Variants in CAMTA1 observed in about 807,000 individuals in gnomAD.
The protein encoded by CAMTA1 is calmodulin-binding transcription activator 1.
A neutral mutation model predicts 170.9 loss-of-function variants in CAMTA1; 27 were observed. The ratio of observed to expected loss-of-function variants is 0.16; its 90% CI spans 0.12 to 0.22. The LOEUF (loss-of-function observed/expected upper bound fraction) is 0.22. Among genes scored for constraint, CAMTA1 ranks in the 10% least tolerant of loss-of-function variants. CAMTA1 has a pLI of 1.00. For synonymous variants in CAMTA1, 833 were observed against 891.5 expected (o/e 0.93, Z 1.17); for missense variants, 1,619 against 2,217.2 (o/e 0.73, Z 5.42).
At chr1:7,019,608 G>A (rs1421462127) in intron 3 of CAMTA1, among the ~76,000 whole-genome samples, 5 of 152,316 alleles carry the variant, frequency 3.3e-5, no homozygotes, top group Admixed American at 2.0e-4. Flanking sequence ...CTTTAGAATC[G>A]TTAGAGGACA....
At chr1:7,004,167 G>A (rs955672999) in intron 3 of CAMTA1, among the ~76,000 whole-genome samples, 1 of 152,234 alleles carries the variant, frequency 6.6e-6, no homozygotes, top group Non-Finnish European at 1.5e-5. Flanking sequence ...CCGTCATCCA[G>A]TTAATGGTGA....
chr1:7,171,321 G>C (rs7544926), intron 4 of CAMTA1, among the ~76,000 whole-genome samples: 48,079 of 151,948 alleles, frequency 0.32, 7,742 homozygotes, highest in Non-Finnish European at 0.33. Flanking sequence ...TAGGACTCTG[G>C]CTTTGCTCAA....
intron 5 of CAMTA1, among the ~76,000 whole-genome samples, chr1:7,439,902 T>C (rs1231079468): frequency 6.6e-6 from 1 of 152,210 alleles, no homozygotes; most frequent in East Asian, 1.9e-4. Context: ...GGCTTCCTCA[T>C]TTGCAAAATG....
At chr1:7,542,869 G>GTT (rs2094632980) in intron 6 of CAMTA1, among the ~76,000 whole-genome samples, 2 of 143,628 alleles carry the variant, frequency 1.4e-5, no homozygotes, top group Admixed American at 6.8e-5. Context: ...GTGTGTGTGT[G>GTT]TGTGTGTGTG....
chr1:7,188,470 T>TC (rs1558224231), intron 4 of CAMTA1, among the ~76,000 whole-genome samples: 1 of 152,158 alleles, frequency 6.6e-6, no homozygotes, highest in Non-Finnish European at 1.5e-5. Flanking sequence ...AGTAACTCCC[T>TC]CCCTCTCCCC....
intron 6 of CAMTA1, among the ~76,000 whole-genome samples, chr1:7,483,569 C>A (rs1400474292): frequency 6.6e-6 from 1 of 152,190 alleles, no homozygotes; most frequent in Non-Finnish European, 1.5e-5. Flanking sequence ...GCAGGGAGAT[C>A]AGCCAGGAAC....
In CAMTA1 at chr1:7,293,247, G is replaced by C. The variant is rs1370676305; in HGVS notation, c.438+43621G>C. Among the ~76,000 whole-genome samples, 1 of 152,210 alleles carries C rather than the reference G, an allele frequency of 6.6e-6. No individual in the cohort carries two copies. Among genetic ancestry groups the C allele is most frequent in the East Asian group, 1.9e-4 (1 of 5,190 alleles). ...AATGCAGACCTTGTCTGGGTGATGAGAGACCGCCACTCGTCTCCAGGAGCT... is the reference window on the plus strand; with the variant it reads ...AATGCAGACCTTGTCTGGGTGATGACAGACCGCCACTCGTCTCCAGGAGCT... On this transcript the variant is annotated intron_variant, in intron 5 of 22. Transcript: ENST00000303635. The surrounding 1 kb of genome is among the most constrained non-coding windows in gnomAD (Gnocchi z 4.1).
rs114493564 is a variant in CAMTA1, at chr1:6,833,247, A to G, written c.234+8037A>G. ...TTCCTGTGGGTCTTCCTCAGTTTCA[A>G]TCTAAACTAGTTTTATTATACTATT... On this transcript the variant is annotated intron_variant, in intron 3 of 22. Transcript: ENST00000303635. 3.9e-3 allele frequency among the ~76,000 whole-genome samples: 588 copies of G among 152,344 alleles called. 5 individuals carry two copies. Among genetic ancestry groups the G allele is most frequent in the African/African-American group, 0.013 (543 of 41,582 alleles).
chr1:7,186,498 C>T (rs1174920419), intron 4 of CAMTA1, among the ~76,000 whole-genome samples: 1 of 152,040 alleles, frequency 6.6e-6, no homozygotes, highest in African/African-American at 2.4e-5. Context: ...GGAGATGTCC[C>T]TTTCTTATTG....
rs1192611965 is a variant in CAMTA1, at chr1:7,680,277, G to A, written c.2914+2544G>A. On this transcript the variant is annotated intron_variant, in intron 11 of 22. Coordinates refer to ENST00000303635, the MANE Select transcript of CAMTA1 (RefSeq NM_015215.4). The surrounding 1 kb of genome is among the most constrained non-coding windows in gnomAD (Gnocchi z 4.4). The stretch of plus-strand genomic sequence containing the variant: ...CTCCCCTCGGTCTCCGCAGCTTCTC[G>A]GCTCAGCCCCTCCCGTCCCCGCGGG... The A allele has an allele frequency of 1.4e-5, 3 of 213,012 alleles. No individual in the cohort carries two copies. Among genetic ancestry groups the A allele is most frequent in the Non-Finnish European group, 3.0e-5 (3 of 98,894 alleles). 13.2% of individuals were successfully genotyped at this position (213,012 alleles called of 1,614,324 possible).
intron 6 of CAMTA1, among the ~76,000 whole-genome samples, chr1:7,481,504 T>C (rs924513854): frequency 1.3e-5 from 2 of 152,208 alleles, no homozygotes; most frequent in Non-Finnish European, 2.9e-5. Flanking sequence ...CAAAGCCCTC[T>C]TGACACTCCA....
At chr1:7,509,979 C>A (rs1045551057) in intron 6 of CAMTA1, among the ~76,000 whole-genome samples, 1 of 151,184 alleles carries the variant, frequency 6.6e-6, no homozygotes, top group African/African-American at 2.5e-5. Flanking sequence ...TCTGTCACTC[C>A]CGAGTCATCC....
rs970450972 is a variant in CAMTA1 at position 7,426,266 on chromosome 1, C to G, written c.439-41564C>G. Among the ~76,000 whole-genome samples, 3 of 152,140 alleles carry G rather than the reference C, an allele frequency of 2.0e-5. No individual in the cohort carries two copies. Among genetic ancestry groups the G allele is most frequent in the Non-Finnish European group, 4.4e-5 (3 of 68,026 alleles). ...AGAGAGAGCTGCACGGTCCGAAGCT[C>G]AGAGCATCCTCACTAGCATTTCTGT... On this transcript the variant is annotated intron_variant, in intron 5 of 22. Coordinates refer to ENST00000303635, the MANE Select transcript of CAMTA1 (RefSeq NM_015215.4). The surrounding 1 kb of genome is among the most constrained non-coding windows in gnomAD (Gnocchi z 4.8).
intron 11 of CAMTA1, among the ~76,000 whole-genome samples, chr1:7,712,926 A>G (rs1558196154): frequency 6.6e-6 from 1 of 152,192 alleles, no homozygotes; most frequent in Non-Finnish European, 1.5e-5. Context: ...AGTCTTATTC[A>G]CTATCACGAG....
intron 3 of CAMTA1, among the ~76,000 whole-genome samples, chr1:6,926,576 T>TTC (rs201875610): frequency 0.02 from 2,697 of 131,782 alleles, 61 homozygotes; most frequent in Middle Eastern, 0.033. Flanking sequence ...CTCTCTCTCC[T>TTC]TCTCTCTCTC....
At chr1:7,462,977 G>T (rs2093126151) in intron 5 of CAMTA1, among the ~76,000 whole-genome samples, 1 of 152,216 alleles carries the variant, frequency 6.6e-6, no homozygotes, top group Non-Finnish European at 1.5e-5. Context: ...GGGGCTCCTG[G>T]AGGGGGACCT....
intron 11 of CAMTA1, among the ~76,000 whole-genome samples, chr1:7,695,425 T>C (rs182383802): frequency 6.1e-4 from 93 of 152,306 alleles, no homozygotes; most frequent in Non-Finnish European, 1.0e-3. Context: ...GAGTGGGTGC[T>C]CATTTTTATA....
At chr1:6,968,653 C>A (rs745849509) in intron 3 of CAMTA1, among the ~76,000 whole-genome samples, 3 of 151,890 alleles carry the variant, frequency 2.0e-5, no homozygotes, top group African/African-American at 7.3e-5. Context: ...CTGTTCAGGA[C>A]GTATCATCCA....
chr1:6,955,229 T>C (rs539666167), intron 3 of CAMTA1, among the ~76,000 whole-genome samples: 16 of 151,570 alleles, frequency 1.1e-4, no homozygotes, highest in African/African-American at 3.6e-4. Flanking sequence ...CCCCTGGGGG[T>C]AGACGATAGT....
Sources: allele counts gnomAD v4.1 joint callset (sites outside exome capture counted in the v4.1 genomes callset), GRCh38; gene constraint gnomAD v4.1.1; non-coding constraint Gnocchi (gnomAD v3.1); transcripts MANE v1.5; gene names NCBI Gene and HGNC (gene_info 2026-07-23, HGNC 2026-07-21).